Variants in CDK13 observed in about 807,000 individuals in gnomAD.
CDK13 encodes the protein cyclin-dependent kinase 13.
In CDK13, 40 loss-of-function variants were observed where a neutral mutation model predicts 137.6. The observed-to-expected ratio is 0.29, with a 90% CI of 0.23 to 0.38. CDK13 has a LOEUF of 0.38. CDK13 is among the 10% of genes least tolerant of loss of function. CDK13 has a pLI of 1.00. For missense variants in CDK13, 1,704 were observed against 1,951.8 expected, an observed-to-expected ratio of 0.87 and a Z score of 2.39; for synonymous variants, 869 against 760.1, an observed-to-expected ratio of 1.14 and a Z score of -2.36.
chr7:40,095,021 G>T lies in CDK13; in HGVS notation c.*41G>T. ...CAGGCACATCATTTTTATCTGGAAAGACTTTTCTAGCTGCAATTTAAGGCA... is the reference window on the plus strand; with the variant it reads ...CAGGCACATCATTTTTATCTGGAAATACTTTTCTAGCTGCAATTTAAGGCA... On this transcript the variant is annotated 3_prime_UTR_variant, in exon 14 of 14. Coordinates refer to ENST00000181839, the MANE Select transcript of CDK13 (RefSeq NM_003718.5). The T allele has an allele frequency of 1.5e-6, 2 of 1,341,542 alleles. No individual in the cohort carries two copies. The highest frequency in any genetic ancestry group is 2.9e-5 in the South Asian group (1 of 34,742). The allele number at this position is 1,341,542 out of a possible 1,614,324, so 83.1% of individuals were successfully genotyped here.
intron 1 of CDK13, among the ~76,000 whole-genome samples, chr7:39,980,985 G>C (rs1461387304): frequency 6.6e-6 from 1 of 152,146 alleles, no homozygotes; most frequent in East Asian, 1.9e-4. Context: ...TTCTTAAAGA[G>C]GTCCTGTAGC....
At chr7:39,958,834 C>T (rs1787511105) in intron 1 of CDK13, among the ~76,000 whole-genome samples, 3 of 152,148 alleles carry the variant, frequency 2.0e-5, no homozygotes, top group African/African-American at 7.2e-5. Context: ...CATTGATACA[C>T]TTTCAAAATG....
Position 40,059,123 on chromosome 7 carries a change from C to G in CDK13, c.2601-3703C>G, listed in dbSNP as rs1409144773. ...CTTTATAAATTTTAACTGAGATTAT[C>G]TAGAACCCCCAAATACTTCAAGGAT... On this transcript the variant is annotated intron_variant, in intron 7 of 13. Transcript: ENST00000181839. The G allele has an allele frequency of 3.9e-5, 6 of 152,278 alleles. No homozygotes were observed. In the East Asian group the frequency reaches 1.2e-3, roughly 29 times the overall value. 9.4% of individuals were successfully genotyped at this position (152,278 alleles called of 1,614,324 possible).
intron 5 of CDK13, among the ~76,000 whole-genome samples, chr7:40,025,232 T>C (rs559702942): frequency 3.2e-4 from 49 of 152,312 alleles, no homozygotes; most frequent in Admixed American, 1.4e-3. Flanking sequence ...CAAAGCATTA[T>C]AATACTACAG....
intron 1 of CDK13, among the ~76,000 whole-genome samples, chr7:39,960,444 A>C (rs1237859925): frequency 6.6e-6 from 1 of 151,820 alleles, no homozygotes; most frequent in African/African-American, 2.4e-5. Flanking sequence ...TTTTCAGTAG[A>C]GACGGGGTTT....
intron 5 of CDK13, among the ~76,000 whole-genome samples, chr7:40,029,679 G>A (rs192725628): frequency 0.022 from 3,322 of 151,356 alleles, 111 homozygotes; most frequent in African/African-American, 0.077. Context: ...TTGAGACAGC[G>A]TCTCGCTCTG....
Position 39,951,850 on chromosome 7 carries a change from C to A in CDK13, c.1209C>A (p.Leu403=). 1.4e-6 allele frequency: 2 copies of A among 1,381,554 alleles called. No individual in the cohort carries two copies. The highest frequency in any genetic ancestry group is 3.6e-5 in the South Asian group (2 of 54,966). The allele number at this position is 1,381,554 out of a possible 1,614,324, so 85.6% of individuals were successfully genotyped here. A position where few individuals can be genotyped will look rare whatever the true frequency, so the allele number is the denominator to read the frequency against. ...CTCGCAGTCCCTACAGCCCTGTGCT[C>A]AGGTGAGTTCTGCCGTTCTGCCTGT... ...RRSRSPYSPV[L]RRSGKSRSRS... Residue 403 remains leucine (L), a splice_region_variant and synonymous_variant, in exon 1 of 14, where the codon CTC becomes CTA. Transcript: ENST00000181839.
chr7:40,074,098 C>T (rs1174559781), intron 9 of CDK13, among the ~76,000 whole-genome samples: 1 of 152,088 alleles, frequency 6.6e-6, no homozygotes, highest in Non-Finnish European at 1.5e-5. Context: ...GACAGGGTTT[C>T]CCCATCTTGC....
intron 13 of CDK13, 63 bp from the exon 14 acceptor site, chr7:40,094,067 G>A: frequency 5.2e-6 from 8 of 1,553,050 alleles, no homozygotes; most frequent in Non-Finnish European, 7.0e-6. Context: ...GAAACACTGA[G>A]TATTTTGAAT....
At chr7:40,012,289 A>G (rs942586959) in intron 5 of CDK13, among the ~76,000 whole-genome samples, 2 of 152,212 alleles carry the variant, frequency 1.3e-5, no homozygotes, top group African/African-American at 4.8e-5. Flanking sequence ...TAGAAATTCT[A>G]CTACTGGATC....
rs1333663403 is a variant in CDK13, at chr7:39,951,440, A to G, written c.799A>G (p.Ser267Gly). The G allele has an allele frequency of 2.0e-6, 3 of 1,537,152 alleles. No homozygotes were observed. The highest frequency in any genetic ancestry group is 2.6e-6 in the Non-Finnish European group (3 of 1,142,760). Reference protein sequence around the residue: ...RRKSASATSSSSSSRKDRDSK... With the variant: ...RRKSASATSSGSSSRKDRDSK... ...GAAAAGCGCTTCGGCCACATCCAGC[A>G]GCAGTAGCAGCCGCAAGGACCGGGA... The change falls in exon 1 of 14, where the codon AGC (serine) becomes GGC (glycine). Residue 267 changes from serine to glycine, a missense_variant. Physicochemically the swap from Ser to Gly is moderately conservative, Grantham distance 56. Around this residue, in one of 5 missense-constraint regions of CDK13, gnomAD observed 1,051 missense variants for 931.0 expected, o/e 1.13. Coordinates refer to ENST00000181839, the MANE Select transcript of CDK13 (RefSeq NM_003718.5).
In CDK13 at chr7:40,094,288, C is replaced by G. The variant is rs759974948; in HGVS notation, c.3847C>G (p.His1283Asp). 3 of 1,612,552 alleles carry G rather than the reference C, an allele frequency of 1.9e-6. No homozygotes were observed. Among genetic ancestry groups the G allele is most frequent in the East Asian group, 2.2e-5 (1 of 44,856 alleles). ...TCTAGATTATCGGACAGAAAACCAGCATGTACCCACCACCAGTTCTTCATT... is the reference window on the plus strand; with the variant it reads ...TCTAGATTATCGGACAGAAAACCAGGATGTACCCACCACCAGTTCTTCATT... Reference protein sequence around the residue: ...EDLDYRTENQHVPTTSSSLTD... With the variant: ...EDLDYRTENQDVPTTSSSLTD... Residue 1283 changes from histidine (H) to aspartate (D), a missense_variant, in exon 14 of 14, where the codon CAT (histidine) becomes GAT (aspartate). This residue lies in a region of CDK13 where 475 missense variants were observed against 579.3 expected (regional missense o/e 0.82). Coordinates refer to ENST00000181839, the MANE Select transcript of CDK13 (RefSeq NM_003718.5).
intron 5 of CDK13, among the ~76,000 whole-genome samples, chr7:40,042,750 G>T (rs560564533): frequency 6.6e-6 from 1 of 150,832 alleles, no homozygotes; most frequent in South Asian, 2.1e-4. Context: ...AAAGTGTTGG[G>T]ATTACAGGTG....
At chr7:40,038,185 A>G (rs1450347627) in intron 5 of CDK13, among the ~76,000 whole-genome samples, 2 of 152,132 alleles carry the variant, frequency 1.3e-5, no homozygotes, top group African/African-American at 4.8e-5. Flanking sequence ...TTTTGTACAT[A>G]TTCACATTCC....
intron 6 of CDK13, 26 bp from the exon 7 acceptor site, chr7:40,047,795 T>C (rs773719579): frequency 6.5e-6 from 10 of 1,542,932 alleles, no homozygotes; most frequent in Admixed American, 1.7e-5. Context: ...TAATACCTTT[T>C]GTTCATTTTG....
Position 40,002,029 on chromosome 7 carries a change from A to G in CDK13, c.2351A>G (p.Lys784Arg). ...GATGCTTTGGATTTCAAGAAGGACA[A>G]AGGTATGTGTGCATATTTAAATAAC... The part of the protein sequence containing the change: ...KEDALDFKKD[K>R]GAFYLVFEYM... The change falls in exon 5 of 14, where the codon AAA (lysine) becomes AGA (arginine). Residue 784 changes from lysine to arginine, a missense_variant and splice_region_variant. Around this residue, in one of 5 missense-constraint regions of CDK13, gnomAD observed 130 missense variants for 362.4 expected, o/e 0.36. Transcript: ENST00000181839. 2 of 1,597,344 alleles carry G rather than the reference A, an allele frequency of 1.3e-6. No individual in the cohort carries two copies. The highest frequency in any genetic ancestry group is 1.7e-6 in the Non-Finnish European group (2 of 1,173,870).
At chr7:40,019,084 G>T (rs1459873791) in intron 5 of CDK13, among the ~76,000 whole-genome samples, 1 of 152,092 alleles carries the variant, frequency 6.6e-6, no homozygotes, top group East Asian at 1.9e-4. Flanking sequence ...TATAAGGAAG[G>T]TTATTCATAC....
At chr7:39,952,846 A>G (rs1427313709) in intron 1 of CDK13, 3 of 152,182 alleles carry the variant, frequency 2.0e-5, no homozygotes, top group African/African-American at 4.8e-5. Context: ...GTTATATAAT[A>G]TTCTTTTTAA....
chr7:40,010,722 A>G (rs773418), intron 5 of CDK13, among the ~76,000 whole-genome samples: 151,251 of 152,270 alleles, frequency 0.99, 75,128 homozygotes, highest in East Asian at 1. Context: ...CTCACCTGCC[A>G]CTCATCTGCT....
Sources: allele counts gnomAD v4.1 joint callset (sites outside exome capture counted in the v4.1 genomes callset), GRCh38; gene constraint gnomAD v4.1.1; regional missense constraint gnomAD v4.1.1; transcripts MANE v1.5; gene names NCBI Gene and HGNC (gene_info 2026-07-23, HGNC 2026-07-21).